Variants in HDAC9 observed in about 807,000 individuals in gnomAD.
HDAC9 encodes the protein MEF-2 interacting transcription repressor (MITR) protein.
HDAC9 carries 41 observed loss-of-function variants against 139.4 expected under a neutral mutation model. That is an observed-to-expected ratio of 0.29 (90% CI 0.23 to 0.38). HDAC9 has a LOEUF of 0.38. Among genes scored for constraint, HDAC9 ranks in the 10% least tolerant of loss-of-function variants. The pLI is 1.00. For missense variants in HDAC9, 1,147 were observed against 1,297.0 expected (o/e 0.88, Z 1.78); for synonymous variants, 517 against 476.2 (o/e 1.09, Z -1.12).
In HDAC9 at chr7:18,348,407, T is replaced by C. The variant is rs964813850; in HGVS notation, c.-42+57892T>C. 2.0e-5 allele frequency among the ~76,000 whole-genome samples: 3 copies of C among 152,198 alleles called. No individual in the cohort carries two copies. The South Asian group carries it at 6.2e-4, about 31-fold the overall frequency. ...TTTACCCTTTCTGAATCTCAGTTTC[T>C]CATTTAAAAAATGAGGATAATACCT... is the stretch of plus-strand genomic sequence containing the variant. On this transcript the variant is annotated intron_variant, in intron 1 of 3. Coordinates refer to the HDAC9 transcript ENST00000413509.
intron 1 of HDAC9, among the ~76,000 whole-genome samples, chr7:18,134,225 A>T (rs1409239521): frequency 6.6e-6 from 1 of 152,154 alleles, no homozygotes; most frequent in Non-Finnish European, 1.5e-5. Flanking sequence ...TTCAGAGACT[A>T]AATTATCTTG....
intron 14 of HDAC9, among the ~76,000 whole-genome samples, chr7:18,756,720 G>C (rs1318136260): frequency 1.2e-4 from 19 of 152,152 alleles, no homozygotes; most frequent in Admixed American, 1.1e-3. Context: ...TCTCATGGCT[G>C]ACTATAGGCA....
chr7:18,512,382 A>G (rs184158713), intron 2 of HDAC9, among the ~76,000 whole-genome samples: 3 of 152,200 alleles, frequency 2.0e-5, no homozygotes, highest in Non-Finnish European at 4.4e-5. Flanking sequence ...TATATAAAAA[A>G]CAACCAAACA....
chr7:18,436,917 A>G (rs1791254786), intron 1 of HDAC9, among the ~76,000 whole-genome samples: 3 of 152,246 alleles, frequency 2.0e-5, no homozygotes, highest in Admixed American at 2.0e-4. Context: ...AATCTAACAG[A>G]TAGCATGAAT....
intron 21 of HDAC9, among the ~76,000 whole-genome samples, chr7:18,872,288 G>T (rs1468570769): frequency 6.6e-6 from 1 of 152,096 alleles, no homozygotes; most frequent in East Asian, 1.9e-4. Context: ...AAAACCCACA[G>T]GAAATTAGAA....
intron 6 of HDAC9, among the ~76,000 whole-genome samples, chr7:18,597,309 A>G (rs1490799318): frequency 6.6e-6 from 1 of 152,134 alleles, no homozygotes; most frequent in African/African-American, 2.4e-5. Flanking sequence ...TTTTATATGC[A>G]TTGCCCACAC....
chr7:18,614,802 G>A (rs1838138890), intron 6 of HDAC9, among the ~76,000 whole-genome samples: 1 of 152,192 alleles, frequency 6.6e-6, no homozygotes, highest in Non-Finnish European at 1.5e-5. Context: ...TCTGAATTCA[G>A]TGAAAATCTG....
chr7:18,960,185 G>A (rs929586696), intron 24 of HDAC9, among the ~76,000 whole-genome samples: 81 of 152,092 alleles, frequency 5.3e-4, no homozygotes, highest in African/African-American at 1.5e-3. Context: ...AGCATAATCA[G>A]TTATCTCCAT....
At chr7:18,679,303 C>T (rs1781729438) in intron 12 of HDAC9, among the ~76,000 whole-genome samples, 1 of 151,902 alleles carries the variant, frequency 6.6e-6, no homozygotes, top group Non-Finnish European at 1.5e-5. Context: ...ATTGCCTATA[C>T]ATATACAGAC....
At chr7:18,459,083 G>A (rs1388806664) in intron 1 of HDAC9, among the ~76,000 whole-genome samples, 1 of 152,148 alleles carries the variant, frequency 6.6e-6, no homozygotes, top group African/African-American at 2.4e-5. Flanking sequence ...GTTGGCATGA[G>A]TCAGAGAAGC....
chr7:18,914,343 C>T (rs1803003488), intron 22 of HDAC9, among the ~76,000 whole-genome samples: 1 of 151,708 alleles, frequency 6.6e-6, no homozygotes, highest in South Asian at 2.1e-4. Flanking sequence ...TTCCACCCGG[C>T]TATTCATTCG....
At chr7:18,353,190 C>A (rs1183387076) in intron 1 of HDAC9, among the ~76,000 whole-genome samples, 1 of 152,070 alleles carries the variant, frequency 6.6e-6, no homozygotes, top group Non-Finnish European at 1.5e-5. Flanking sequence ...TCAGCACTAT[C>A]TAGCTATTGT....
At chr7:18,946,726 T>G (rs1004529300) in intron 23 of HDAC9, among the ~76,000 whole-genome samples, 2 of 152,108 alleles carry the variant, frequency 1.3e-5, no homozygotes, top group African/African-American at 2.4e-5. Context: ...CAAATTTTAG[T>G]ACACGTCTCT....
At chr7:18,534,557 T>A (rs62446984) in intron 2 of HDAC9, among the ~76,000 whole-genome samples, 1 of 151,980 alleles carries the variant, frequency 6.6e-6, no homozygotes, top group Non-Finnish European at 1.5e-5. Context: ...AAAAAAAATT[T>A]AGAGAGAGAG....
intron 1 of HDAC9, among the ~76,000 whole-genome samples, chr7:18,344,015 A>G (rs982200022): frequency 2.6e-5 from 4 of 151,842 alleles, no homozygotes; most frequent in African/African-American, 9.7e-5. Context: ...TGCCTTCTTT[A>G]CAATTTCTTC....
At chr7:18,591,369 A>C in intron 4 of HDAC9, 147 bp from the exon 5 acceptor site, 7 of 1,160,464 alleles carry the variant, frequency 6.0e-6, no homozygotes, top group Non-Finnish European at 7.8e-6. Flanking sequence ...TTTTAATAGG[A>C]AAACTTTATG....
intron 16 of HDAC9, among the ~76,000 whole-genome samples, chr7:18,791,762 C>G (rs1397309726): frequency 2.0e-5 from 3 of 152,162 alleles, no homozygotes; most frequent in African/African-American, 7.2e-5. Flanking sequence ...CTCATTCAAT[C>G]AACACGTAGG....
In HDAC9 at chr7:18,874,481, C is replaced by T. The variant is rs1261679147; in HGVS notation, c.2688C>T (p.Thr896=). 1 of 1,577,820 alleles carries T rather than the reference C, an allele frequency of 6.3e-7. No homozygotes were observed. The highest frequency in any genetic ancestry group is 8.6e-7 in the Non-Finnish European group (1 of 1,159,472). ...GDVEYLEAFR[T]IVKPVAKEFD... is the part of the protein sequence containing the mutation. ...CGGTTGCATTTTTACTGTGCAGGAC[C>T]ATCGTGAAGCCTGTGGCCAAAGAGT... The change falls in exon 22 of 26, where the codon ACC becomes ACT. Residue 896 remains threonine (T), a synonymous_variant. Transcript: ENST00000686413.
chr7:18,834,613 T>C (rs925886270), intron 19 of HDAC9, among the ~76,000 whole-genome samples: 1 of 150,860 alleles, frequency 6.6e-6, no homozygotes, highest in Non-Finnish European at 1.5e-5. Context: ...AAAGCTATGA[T>C]ATGATATTAA....
Sources: allele counts gnomAD v4.1 joint callset (sites outside exome capture counted in the v4.1 genomes callset), GRCh38; gene constraint gnomAD v4.1.1; transcripts MANE v1.5; gene names NCBI Gene and HGNC (gene_info 2026-07-23, HGNC 2026-07-21).